DPYD: variants seen among roughly 807,000 people sequenced by gnomAD.
The protein encoded by DPYD is dihydropyrimidine dehydrogenase.
In DPYD, 109 loss-of-function variants were observed where a neutral mutation model predicts 116.2. The observed-to-expected ratio is 0.94, with a 90% CI of 0.80 to 1.10. The LOEUF (loss-of-function observed/expected upper bound fraction) is 1.10. Ranked by LOEUF, DPYD falls within the 50% of genes least tolerant of loss-of-function variation. The pLI is 0.00. For synonymous variants in DPYD, 440 were observed against 432.0 expected, an observed-to-expected ratio of 1.02 and a Z score of -0.23; for missense variants, 1,302 against 1,254.5, an observed-to-expected ratio of 1.04 and a Z score of -0.57.
intron 12 of DPYD, among the ~76,000 whole-genome samples, chr1:97,530,119 G>A (rs1193093687): frequency 4.6e-5 from 7 of 151,362 alleles, no homozygotes; most frequent in African/African-American, 7.3e-5. Context: ...ATGTCTTCCC[G>A]GTCTATCCAT....
At position 97,445,513 on chromosome 1, in the gene DPYD, T is replaced by C. The variant is rs113878031; in HGVS notation, c.1905+4546A>G. Among the ~76,000 whole-genome samples, 75 of 152,134 alleles carry C rather than the reference T, an allele frequency of 4.9e-4. 3 individuals are homozygous for C. The highest frequency in any genetic ancestry group is 2.1e-4 in the Non-Finnish European group (14 of 68,010). On this transcript the variant is annotated intron_variant, in intron 14 of 22. Transcript: ENST00000370192. The stretch of plus-strand genomic sequence containing the variant: ...TCATAGCTTCTCCCATAACCTAATA[T>C]GTAACTTAGATGTTAAGGTCCCTTC...
intron 8 of DPYD, among the ~76,000 whole-genome samples, chr1:97,663,709 T>G (rs1251870162): frequency 1.3e-5 from 2 of 152,216 alleles, no homozygotes; most frequent in African/African-American, 4.8e-5. Context: ...ACATTTGCAT[T>G]GCCATGTGAA....
At chr1:97,171,715 G>T (rs1228124426) in intron 20 of DPYD, among the ~76,000 whole-genome samples, 1 of 152,106 alleles carries the variant, frequency 6.6e-6, no homozygotes, top group African/African-American at 2.4e-5. Context: ...ACCATTGAAG[G>T]TTTTTAATTT....
rs139228099 is a variant in DPYD at position 97,129,222 on chromosome 1, C to T, written c.2623-30590G>A. Among the ~76,000 whole-genome samples the T allele has an allele frequency of 8.5e-5, 13 of 152,136 alleles. No individual in the cohort carries two copies. The East Asian group carries it at 1.9e-3, about 23-fold the overall frequency. On this transcript the variant is annotated intron_variant, in intron 20 of 22. Coordinates refer to ENST00000370192, the MANE Select transcript of DPYD (RefSeq NM_000110.4). ...GGGACTACAGGCACGTGCCACCACA[C>T]CCAGCTAATTTTTTGTATTTTTTAG...
In DPYD at chr1:97,815,941, A is replaced by G. The variant is rs186093314; in HGVS notation, c.233+12173T>C. Among the ~76,000 whole-genome samples, 27 of 152,310 alleles carry G rather than the reference A, an allele frequency of 1.8e-4. No homozygotes were observed. In the East Asian group the frequency reaches 5.0e-3, roughly 28 times the overall value. On this transcript the variant is annotated intron_variant, in intron 3 of 22. Transcript: ENST00000370192. ...CAAGGCCTTTCCAGCCACCATATGA[A>G]GCCATTGAAATTAGGGTTTATTCCC...
chr1:97,410,078 G>T (rs1285323314), intron 14 of DPYD, among the ~76,000 whole-genome samples: 1 of 142,732 alleles, frequency 7.0e-6, no homozygotes, highest in Non-Finnish European at 1.5e-5. Context: ...AAAAGAAAAA[G>T]AAAGAAGAAG....
intron 16 of DPYD, among the ~76,000 whole-genome samples, chr1:97,312,760 C>T (rs563490825): frequency 6.6e-6 from 1 of 151,862 alleles, no homozygotes; most frequent in Non-Finnish European, 1.5e-5. Flanking sequence ...GCAGTGATTA[C>T]CTCTGAAACG....
chr1:97,287,373 A>C (rs959106961), intron 18 of DPYD, among the ~76,000 whole-genome samples: 4 of 152,166 alleles, frequency 2.6e-5, no homozygotes, highest in African/African-American at 9.7e-5. Context: ...CTCGGGGGTC[A>C]GGGGTCAGGC....
At chr1:97,229,897 T>C (rs1661472205) in intron 19 of DPYD, among the ~76,000 whole-genome samples, 1 of 152,170 alleles carries the variant, frequency 6.6e-6, no homozygotes, top group Non-Finnish European at 1.5e-5. Flanking sequence ...AAAGAGATAA[T>C]GATTTCTTTT....
intron 16 of DPYD, among the ~76,000 whole-genome samples, chr1:97,338,514 G>C (rs1268047351): frequency 6.6e-6 from 1 of 152,170 alleles, no homozygotes; most frequent in Non-Finnish European, 1.5e-5. Context: ...ATCCAAAGAA[G>C]AGCACGTCTG....
intron 8 of DPYD, among the ~76,000 whole-genome samples, chr1:97,662,632 CAAAACA>C (rs887548351): frequency 4.6e-5 from 7 of 151,576 alleles, no homozygotes; most frequent in African/African-American, 1.7e-4. Context: ...GACTCTGTCT[CAAAACA>C]AAAACAAAAA....
At chr1:97,605,271 C>T (rs1187218453) in intron 8 of DPYD, among the ~76,000 whole-genome samples, 1 of 152,088 alleles carries the variant, frequency 6.6e-6, no homozygotes, top group East Asian at 1.9e-4. Context: ...TATCCCCACC[C>T]AAATCTCATC....
intron 8 of DPYD, among the ~76,000 whole-genome samples, chr1:97,607,854 G>A (rs12144462): frequency 0.065 from 9,919 of 151,912 alleles, 438 homozygotes; most frequent in East Asian, 0.22. Flanking sequence ...GAACACTTTT[G>A]ATTTTAGGAG....
At chr1:97,259,342 T>G (rs1663718728) in intron 18 of DPYD, among the ~76,000 whole-genome samples, 1 of 152,100 alleles carries the variant, frequency 6.6e-6, no homozygotes, top group South Asian at 2.1e-4. Context: ...TTTCCTCTCT[T>G]AACAGCAACC....
At chr1:97,619,061 G>A (rs1656474517) in intron 8 of DPYD, among the ~76,000 whole-genome samples, 1 of 151,990 alleles carries the variant, frequency 6.6e-6, no homozygotes, top group Admixed American at 6.6e-5. Context: ...TGTAAATGGG[G>A]ATAATATATC....
chr1:97,706,572 T>C (rs1043296420), intron 5 of DPYD, among the ~76,000 whole-genome samples: 3 of 152,086 alleles, frequency 2.0e-5, no homozygotes, highest in South Asian at 2.1e-4. Context: ...AGTGCCTCCA[T>C]AGTTTTGCCT....
intron 8 of DPYD, among the ~76,000 whole-genome samples, chr1:97,644,994 T>C (rs1165879488): frequency 6.6e-6 from 1 of 152,158 alleles, no homozygotes; most frequent in East Asian, 1.9e-4. Context: ...ACATCAACTT[T>C]CTTCCCAGTA....
intron 20 of DPYD, among the ~76,000 whole-genome samples, chr1:97,104,660 A>G (rs926034098): frequency 6.6e-6 from 1 of 152,018 alleles, no homozygotes; most frequent in Non-Finnish European, 1.5e-5. Context: ...TGAGGTCAGG[A>G]AAGGTGAAGA....
chr1:97,483,423 A>T (rs1041154820), intron 13 of DPYD, among the ~76,000 whole-genome samples: 2 of 152,150 alleles, frequency 1.3e-5, no homozygotes, highest in African/African-American at 4.8e-5. Flanking sequence ...CCAATGTCAT[A>T]GTATTACTTA....
Sources: allele counts gnomAD v4.1 joint callset (sites outside exome capture counted in the v4.1 genomes callset), GRCh38; gene constraint gnomAD v4.1.1; transcripts MANE v1.5; gene names NCBI Gene and HGNC (gene_info 2026-07-23, HGNC 2026-07-21).